GLCCI1: variants seen among roughly 807,000 people sequenced by gnomAD.
GLCCI1 encodes the protein glucocorticoid induced 1, also known as glucocorticoid-induced transcript 1 protein.
GLCCI1 carries 24 observed loss-of-function variants against 52.2 expected under a neutral mutation model. That is an observed-to-expected ratio of 0.46 (90% CI 0.33 to 0.65). GLCCI1 has a LOEUF of 0.65. Among genes scored for constraint, GLCCI1 ranks in the 30% least tolerant of loss-of-function variants. The pLI is 0.02. For synonymous variants in GLCCI1, 310 were observed against 276.5 expected (o/e 1.12, Z -1.20); for missense variants, 704 against 701.5 (o/e 1.00, Z -0.04).
chr7:7,981,287 TCTCC>T, intron 1 of GLCCI1: 1 of 247,160 alleles, frequency 4.0e-6, no homozygotes, highest in South Asian at 4.5e-5. Flanking sequence ...TTTCTTTCTC[TCTCC>T]CTCTTTCTCT....
At chr7:8,077,574 C>T (rs1199857505) in intron 6 of GLCCI1, among the ~76,000 whole-genome samples, 2 of 152,162 alleles carry the variant, frequency 1.3e-5, no homozygotes, top group African/African-American at 4.8e-5. Context: ...TCTGTATCTC[C>T]TCACCTATAA....
chr7:8,008,997 C>T, intron 2 of GLCCI1, among the ~76,000 whole-genome samples: 1 of 152,048 alleles, frequency 6.6e-6, no homozygotes, highest in East Asian at 1.9e-4. Flanking sequence ...CAGTCTTAAG[C>T]TTTCTTTTCT....
At chr7:7,996,277 CAG>C (rs1214755823) in intron 1 of GLCCI1, among the ~76,000 whole-genome samples, 2 of 152,056 alleles carry the variant, frequency 1.3e-5, no homozygotes, top group Non-Finnish European at 2.9e-5. Flanking sequence ...ATTTCATTAA[CAG>C]AATTCATTTG....
chr7:7,969,314 G>T lies in GLCCI1; in HGVS notation c.-37G>T, dbSNP rs1448520226. The T allele has an allele frequency of 9.9e-6, 13 of 1,316,142 alleles. No individual in the cohort carries two copies. Among genetic ancestry groups the T allele is most frequent in the South Asian group, 2.8e-5 (2 of 72,518 alleles). The allele number at this position is 1,316,142 out of a possible 1,614,324, so 81.5% of individuals were successfully genotyped here. Reference sequence around the variant, plus strand: ...CGCGCGCCTCCCGCCCCGCGCCTCCGTGTCGGCCGGCGGCGTCCAGGGCCC... The same window carrying T: ...CGCGCGCCTCCCGCCCCGCGCCTCCTTGTCGGCCGGCGGCGTCCAGGGCCC... On this transcript the variant is annotated 5_prime_UTR_variant, in exon 1 of 8. Coordinates refer to ENST00000223145, the MANE Select transcript of GLCCI1 (RefSeq NM_138426.4). This position sits in a 1 kb window ranked among gnomAD's most constrained non-coding sequence, Gnocchi z 4.9.
At chr7:8,003,577 G>A (rs1781087901) in intron 1 of GLCCI1, among the ~76,000 whole-genome samples, 1 of 152,184 alleles carries the variant, frequency 6.6e-6, no homozygotes, top group African/African-American at 2.4e-5. Flanking sequence ...TGGATACAGG[G>A]ATAGCAGTTA....
At chr7:7,992,186 A>T (rs1350626875) in intron 1 of GLCCI1, among the ~76,000 whole-genome samples, 1 of 151,046 alleles carries the variant, frequency 6.6e-6, no homozygotes, top group African/African-American at 2.4e-5. Flanking sequence ...TAGTTATCAG[A>T]CATTCTGGAA....
intron 3 of GLCCI1, among the ~76,000 whole-genome samples, chr7:8,046,045 G>C (rs978990323): frequency 6.6e-6 from 1 of 151,902 alleles, no homozygotes; most frequent in African/African-American, 2.4e-5. Context: ...ATAAGAACAG[G>C]TGGAATGAAA....
chr7:8,006,324 A>G (rs1781148437), intron 2 of GLCCI1, among the ~76,000 whole-genome samples: 1 of 152,232 alleles, frequency 6.6e-6, no homozygotes, highest in Non-Finnish European at 1.5e-5. Flanking sequence ...TGGAGAGTGC[A>G]GTATTGGAGA....
chr7:8,028,871 C>A (rs1430611099), intron 3 of GLCCI1, among the ~76,000 whole-genome samples: 1 of 152,034 alleles, frequency 6.6e-6, no homozygotes, highest in Non-Finnish European at 1.5e-5. Context: ...AATAAATTCT[C>A]AGATACATAT....
Position 7,981,810 on chromosome 7 carries a change from A to G in GLCCI1, c.457+12003A>G, listed in dbSNP as rs551373954. The G allele has an allele frequency of 2.9e-5, 12 of 416,806 alleles. No homozygotes were observed. The East Asian group carries it at 6.3e-4, about 22-fold the overall frequency. The allele number at this position is 416,806 out of a possible 1,614,324, so 25.8% of individuals were successfully genotyped here. On this transcript the variant is annotated intron_variant, in intron 1 of 7. Transcript: ENST00000223145. ...ATAAACCATCTAATTTGGTTCTGAA[A>G]GATAAAGTAAGCCCAAATAGGAGGC...
intron 3 of GLCCI1, among the ~76,000 whole-genome samples, chr7:8,024,482 A>G (rs749965069): frequency 1.3e-5 from 2 of 152,272 alleles, no homozygotes; most frequent in Admixed American, 1.3e-4. Context: ...ATACAGTCTT[A>G]GAGTTATCAA....
At position 8,087,700 on chromosome 7, in the gene GLCCI1, A is replaced by T. The variant is rs1783147135; in HGVS notation, c.*1162A>T. The stretch of plus-strand genomic sequence containing the variant: ...GGTGCATGATCTTCATTTACATAGA[A>T]TACTTGGGTCTCAGAATTGATGCAA... On this transcript the variant is annotated 3_prime_UTR_variant, in exon 8 of 8. Transcript: ENST00000223145. 6.6e-6 allele frequency: 1 copy of T among 152,324 alleles called. No homozygotes were observed. Among genetic ancestry groups the T allele is most frequent in the South Asian group, 2.1e-4 (1 of 4,808 alleles). 9.4% of individuals were successfully genotyped at this position (152,324 alleles called of 1,614,324 possible).
At chr7:7,976,479 CAAAAAAA>C (rs35255634) in intron 1 of GLCCI1, among the ~76,000 whole-genome samples, 9 of 24,696 alleles carry the variant, frequency 3.6e-4, no homozygotes, top group African/African-American at 1.6e-3. Flanking sequence ...AACTCCATCT[CAAAAAAA>C]AAAAAAAAAA....
At chr7:7,973,662 A>G (rs140289677) in intron 1 of GLCCI1, among the ~76,000 whole-genome samples, 5,608 of 152,144 alleles carry the variant, frequency 0.037, 141 homozygotes, top group Non-Finnish European at 0.057. Flanking sequence ...CTAATACTCT[A>G]CCAGATTGCT....
intron 5 of GLCCI1, among the ~76,000 whole-genome samples, chr7:8,068,242 C>T (rs1463190535): frequency 2.0e-5 from 3 of 152,126 alleles, no homozygotes; most frequent in Non-Finnish European, 2.9e-5. Context: ...CCCAGCTACT[C>T]AGGAGGCTGA....
At chr7:8,023,585 A>ATTGTTTTTTTTTT (rs1268659559) in intron 3 of GLCCI1, among the ~76,000 whole-genome samples, 1 of 39,782 alleles carries the variant, frequency 2.5e-5, no homozygotes, top group Non-Finnish European at 5.1e-5. Context: ...AATCTCTGTT[A>ATTGTTTTTTTTTT]TTCTTTTTTT....
At chr7:8,027,882 A>G (rs73050940) in intron 3 of GLCCI1, among the ~76,000 whole-genome samples, 5,598 of 152,360 alleles carry the variant, frequency 0.037, 142 homozygotes, top group Non-Finnish European at 0.057. Context: ...GGGTCATTGT[A>G]TAATGATAAA....
At chr7:8,002,357 A>T (rs996708351) in intron 1 of GLCCI1, among the ~76,000 whole-genome samples, 4 of 152,152 alleles carry the variant, frequency 2.6e-5, no homozygotes, top group African/African-American at 9.6e-5. Flanking sequence ...AAACGTTTAT[A>T]AAAAATGACC....
chr7:8,079,294 A>ATTT (rs1562453191), intron 6 of GLCCI1, among the ~76,000 whole-genome samples: 15 of 150,360 alleles, frequency 1.0e-4, no homozygotes, highest in African/African-American at 3.4e-4. Context: ...TGTTTTTTTA[A>ATTT]AAACTGATGT....
Sources: gnomAD v4.1 joint callset for allele counts (sites outside exome capture counted in the v4.1 genomes callset) on GRCh38, gnomAD v4.1.1 for gene constraint, Gnocchi (gnomAD v3.1) non-coding constraint, MANE v1.5 for transcripts, NCBI Gene and HGNC (gene_info 2026-07-23, HGNC 2026-07-21) for gene names.